GALNT13: variants seen among roughly 807,000 people sequenced by gnomAD.
GALNT13 encodes polypeptide N-acetylgalactosaminyltransferase 13.
A neutral mutation model predicts 64.2 loss-of-function variants in GALNT13; 28 were observed. That is an observed-to-expected ratio of 0.44 (90% confidence interval 0.32 to 0.60). GALNT13 has a LOEUF of 0.60. GALNT13 is among the 20% of genes least tolerant of loss of function. The pLI is 0.05. For synonymous variants in GALNT13, 214 were observed against 224.6 expected (o/e 0.95, Z 0.42); for missense variants, 577 against 669.8 (o/e 0.86, Z 1.53).
chr2:153,491,258 G>T, the GALNT13 span, among the ~76,000 whole-genome samples: 7 of 151,838 alleles, frequency 4.6e-5, no homozygotes, highest in Non-Finnish European at 8.8e-5. Flanking sequence ...AAATTTAACA[G>T]ATATACAATA....
At chr2:153,262,027 C>T in the GALNT13 span, among the ~76,000 whole-genome samples, 3 of 152,118 alleles carry the variant, frequency 2.0e-5, no homozygotes, top group South Asian at 6.2e-4. Context: ...AATTGGAAAC[C>T]CCAGGAGCTT....
intron 9 of GALNT13, among the ~76,000 whole-genome samples, chr2:154,338,628 C>T (rs1045508651): frequency 3.9e-5 from 6 of 152,074 alleles, no homozygotes; most frequent in African/African-American, 1.4e-4. Context: ...GCAAGAGCCC[C>T]TATTGTGGTT....
At chr2:153,570,147 GTGATA>G in the GALNT13 span, among the ~76,000 whole-genome samples, 3 of 152,054 alleles carry the variant, frequency 2.0e-5, no homozygotes, top group Non-Finnish European at 2.9e-5. Flanking sequence ...TTTAACTGGG[GTGATA>G]TGATATCTCA....
the GALNT13 span, among the ~76,000 whole-genome samples, chr2:153,834,578 G>A: frequency 6.6e-6 from 1 of 152,038 alleles, no homozygotes; most frequent in Admixed American, 6.6e-5. Flanking sequence ...TTTGGTAAAA[G>A]TTACCAATTT....
At chr2:153,815,373 C>A in the GALNT13 span, among the ~76,000 whole-genome samples, 4 of 152,116 alleles carry the variant, frequency 2.6e-5, no homozygotes, top group African/African-American at 9.7e-5. Context: ...GCATATAAAC[C>A]TGATATGTAT....
chr2:153,647,726 C>G, the GALNT13 span, among the ~76,000 whole-genome samples: 1 of 152,130 alleles, frequency 6.6e-6, no homozygotes, highest in East Asian at 1.9e-4. Flanking sequence ...ATAGGGAATC[C>G]TTTCCCCATT....
At chr2:153,758,557 A>G in the GALNT13 span, among the ~76,000 whole-genome samples, 1 of 152,084 alleles carries the variant, frequency 6.6e-6, no homozygotes, top group Admixed American at 6.6e-5. Flanking sequence ...AATTTTCATC[A>G]ATATGTAGAT....
At chr2:153,194,598 CTGT>C in the GALNT13 span, among the ~76,000 whole-genome samples, 5 of 152,062 alleles carry the variant, frequency 3.3e-5, no homozygotes, top group Non-Finnish European at 2.9e-5. Flanking sequence ...TCATTGGAGT[CTGT>C]TGTTGAAGAA....
chr2:154,022,253 G>A (rs1186672966), intron 3 of GALNT13, among the ~76,000 whole-genome samples: 1 of 152,122 alleles, frequency 6.6e-6, no homozygotes, highest in South Asian at 2.1e-4. Context: ...TTTTTCTATT[G>A]ATTGGAGTAG....
chr2:153,350,089 G>A, the GALNT13 span, among the ~76,000 whole-genome samples: 1 of 152,196 alleles, frequency 6.6e-6, no homozygotes, highest in East Asian at 1.9e-4. Context: ...TTGGTGATTA[G>A]CTCATGTAAT....
chr2:154,361,553 CT>C (rs914750806), intron 9 of GALNT13, among the ~76,000 whole-genome samples: 2 of 151,992 alleles, frequency 1.3e-5, no homozygotes, highest in African/African-American at 4.8e-5. Context: ...ACAGTGCATT[CT>C]CTAATCCTCA....
chr2:153,775,630 C>T, the GALNT13 span, among the ~76,000 whole-genome samples: 1 of 151,928 alleles, frequency 6.6e-6, no homozygotes, highest in Non-Finnish European at 1.5e-5. Context: ...GACACTAAGT[C>T]TAATATCTTT....
At chr2:154,370,142 G>T (rs981557175) in intron 9 of GALNT13, among the ~76,000 whole-genome samples, 2 of 152,010 alleles carry the variant, frequency 1.3e-5, no homozygotes, top group African/African-American at 4.8e-5. Flanking sequence ...TGAAGTTTAG[G>T]TGGGGGATAC....
the GALNT13 span, among the ~76,000 whole-genome samples, chr2:153,447,142 A>C: frequency 6.6e-6 from 1 of 152,180 alleles, no homozygotes; most frequent in Non-Finnish European, 1.5e-5. Context: ...ACCTAACTGC[A>C]AGCGTAAACA....
chr2:154,240,192 A>C (rs1689408183), intron 4 of GALNT13, among the ~76,000 whole-genome samples: 1 of 152,256 alleles, frequency 6.6e-6, no homozygotes, highest in African/African-American at 2.4e-5. Flanking sequence ...TGATGGGAGC[A>C]ACAAACATCT....
the GALNT13 span, among the ~76,000 whole-genome samples, chr2:153,111,317 GT>G: frequency 2.0e-5 from 3 of 151,554 alleles, no homozygotes; most frequent in Admixed American, 2.0e-4. Flanking sequence ...AACTAAACCT[GT>G]TGTTTTCATT....
intron 2 of GALNT13, among the ~76,000 whole-genome samples, chr2:153,923,233 CAG>C (rs1195409176): frequency 1.3e-5 from 2 of 152,268 alleles, no homozygotes; most frequent in East Asian, 3.9e-4. Flanking sequence ...CATTTAAAAA[CAG>C]AATAAAATGT....
the GALNT13 span, among the ~76,000 whole-genome samples, chr2:153,159,865 G>GT: frequency 6.6e-6 from 1 of 152,158 alleles, no homozygotes; most frequent in Non-Finnish European, 1.5e-5. Flanking sequence ...AACATGAAAA[G>GT]TTTGAGTTTC....
intron 4 of GALNT13, among the ~76,000 whole-genome samples, chr2:154,196,972 A>G (rs963553405): frequency 6.6e-6 from 1 of 152,178 alleles, no homozygotes; most frequent in Admixed American, 6.5e-5. Flanking sequence ...GAATCATCTG[A>G]TTGCTATCTC....
Sources: gnomAD v4.1 joint callset for allele counts (sites outside exome capture counted in the v4.1 genomes callset) on GRCh38, gnomAD v4.1.1 for gene constraint, MANE v1.5 for transcripts, NCBI Gene and HGNC (gene_info 2026-07-23, HGNC 2026-07-21) for gene names.